ERLEC1: variants seen among roughly 807,000 people sequenced by gnomAD.
ERLEC1 encodes ER lectin.
In ERLEC1, 47 loss-of-function variants were observed where a neutral mutation model predicts 68.0. The ratio of observed to expected loss-of-function variants is 0.69; its 90% CI spans 0.55 to 0.88. The LOEUF (loss-of-function observed/expected upper bound fraction) is 0.88. ERLEC1 is among the 40% of genes least tolerant of loss of function. The probability of loss-of-function intolerance (pLI) is 0.00; values close to 1 mark genes in which losing one functional copy is unlikely to be tolerated. For synonymous variants in ERLEC1, 225 were observed against 203.2 expected, an observed-to-expected ratio of 1.11 and a Z score of -0.91; for missense variants, 567 against 583.8, an observed-to-expected ratio of 0.97 and a Z score of 0.30.
intron 4 of ERLEC1, 21 bp from the exon 5 acceptor site, chr2:53,797,711 T>C (rs759060580): frequency 2.8e-4 from 455 of 1,601,430 alleles, no homozygotes; most frequent in Non-Finnish European, 3.5e-4. Flanking sequence ...TAGTATATTT[T>C]TATTTTACTT....
intron 8 of ERLEC1, 44 bp downstream of exon 8, chr2:53,801,886 A>T (rs779396794): frequency 3.9e-6 from 6 of 1,527,118 alleles, no homozygotes; most frequent in South Asian, 1.2e-5. Flanking sequence ...CTTCATTTTT[A>T]AAATTTCAGA....
intron 1 of ERLEC1, among the ~76,000 whole-genome samples, chr2:53,789,393 C>CAAAA (rs1160757930): frequency 2.5e-5 from 2 of 79,742 alleles, no homozygotes; most frequent in South Asian, 4.4e-4. Context: ...GACTCTGTCT[C>CAAAA]AAAAAAAAAA....
rs751868369 is a variant in ERLEC1, at chr2:53,790,015, C to CAA, written c.162+2658_162+2659dup. Among the ~76,000 whole-genome samples, 652 of 85,928 alleles carry CAA rather than the reference C, an allele frequency of 7.6e-3. 3 individuals carry two copies. The highest frequency in any genetic ancestry group is 0.022 in the Middle Eastern group (3 of 138). 56.4% of individuals were successfully genotyped at this position (85,928 alleles called of 152,430 possible). Reference sequence around the variant, plus strand: ...TCCTGGGCGACAGAGGAGTCTGTCTCAAAAAAAAAAAAAAAAGAAAAGAAA... The same window carrying CAA: ...TCCTGGGCGACAGAGGAGTCTGTCTCAAAAAAAAAAAAAAAAAAGAAAAGAAA... On this transcript the variant is annotated intron_variant, in intron 1 of 13. Coordinates refer to ENST00000185150, the MANE Select transcript of ERLEC1 (RefSeq NM_015701.5).
Position 53,787,265 on chromosome 2 carries a change from C to G in ERLEC1, c.55C>G (p.Leu19Val), listed in dbSNP as rs374970739. ...RSLVPGGPVL[L>V]VLCGLLEASG... is the part of the protein sequence containing the mutation. Reference sequence around the variant, plus strand: ...TCTGGTCCCGGGCGGGCCGGTGTTACTGGTCCTCTGCGGCCTCCTGGAGGC... The same window carrying G: ...TCTGGTCCCGGGCGGGCCGGTGTTAGTGGTCCTCTGCGGCCTCCTGGAGGC... Residue 19 changes from leucine to valine, a missense_variant, in exon 1 of 14, where the codon CTG becomes GTG. Transcript: ENST00000185150. The G allele has an allele frequency of 1.2e-6, 2 of 1,608,330 alleles. No homozygotes were observed. Among genetic ancestry groups the G allele is most frequent in the Admixed American group, 3.3e-5 (2 of 60,014 alleles).
At chr2:53,808,218 A>T in intron 8 of ERLEC1, 81 bp from the exon 9 acceptor site, 1 of 1,472,782 alleles carries the variant, frequency 6.8e-7, no homozygotes. Context: ...TCTGCAGTTT[A>T]AAAATAATAA....
chr2:53,795,893 C>G lies in ERLEC1; in HGVS notation c.268-40C>G, dbSNP rs1199200855. 4 of 1,360,050 alleles carry G rather than the reference C, an allele frequency of 2.9e-6. No individual in the cohort carries two copies. In the Admixed American group the frequency reaches 8.3e-5, roughly 28 times the overall value. 84.2% of individuals were successfully genotyped at this position (1,360,050 alleles called of 1,614,324 possible). A position where few individuals can be genotyped will look rare whatever the true frequency, so the allele number is the denominator to read the frequency against. On this transcript the variant is annotated intron_variant, in intron 2 of 13. Transcript: ENST00000185150. ...CCAAACAGCAAAGTTGGGTGAAATT[C>G]TAGAAAAACTGTAAGTATTAAACTC...
chr2:53,798,071 T>A (rs1200781570), intron 5 of ERLEC1, among the ~76,000 whole-genome samples: 1 of 152,058 alleles, frequency 6.6e-6, no homozygotes, highest in African/African-American at 2.4e-5. Flanking sequence ...GGCAGACGCC[T>A]GTAGTCCCAG....
Position 53,818,047 on chromosome 2 carries a change from T to G in ERLEC1, c.*78T>G, listed in dbSNP as rs1676995110. On this transcript the variant is annotated 3_prime_UTR_variant, in exon 14 of 14. Coordinates refer to ENST00000185150, the MANE Select transcript of ERLEC1 (RefSeq NM_015701.5). ...TGTCCCACTGTGTCTCATTATAGAG[T>G]TCTCAGCCATTGGACCTCTTCTAAA... 3.2e-6 allele frequency: 3 copies of G among 925,332 alleles called. No homozygotes were observed. In the East Asian group the frequency reaches 7.2e-5, roughly 22 times the overall value. The allele number at this position is 925,332 out of a possible 1,614,324, so 57.3% of individuals were successfully genotyped here.
At chr2:53,801,982 C>A in intron 8 of ERLEC1, 140 bp downstream of exon 8, 1 of 660,736 alleles carries the variant, frequency 1.5e-6, no homozygotes, top group Non-Finnish European at 2.6e-6. Flanking sequence ...CATTTCTTTT[C>A]ATTGATTTTA....
At chr2:53,796,729 C>A (rs1675725890) in intron 3 of ERLEC1, among the ~76,000 whole-genome samples, 1 of 152,038 alleles carries the variant, frequency 6.6e-6, no homozygotes, top group South Asian at 2.1e-4. Context: ...GAATTACAGG[C>A]GTGAGCGACT....
chr2:53,800,861 G>A (rs751263144), intron 6 of ERLEC1, among the ~76,000 whole-genome samples: 6 of 151,948 alleles, frequency 3.9e-5, no homozygotes, highest in Non-Finnish European at 7.4e-5. Context: ...TATTAAAAAC[G>A]GGGAAGAAGA....
intron 1 of ERLEC1, 83 bp from the exon 2 acceptor site, chr2:53,794,262 C>CT (rs1317237532): frequency 2.8e-5 from 16 of 568,220 alleles, no homozygotes; most frequent in African/African-American, 2.7e-4. Flanking sequence ...TTTAAAGAAT[C>CT]TTTTTTCCAG....
intron 11 of ERLEC1, 69 bp downstream of exon 11, chr2:53,813,142 CAT>C (rs1480945115): frequency 6.5e-7 from 1 of 1,537,556 alleles, no homozygotes; most frequent in Non-Finnish European, 8.8e-7. Context: ...TATTGAAAAA[CAT>C]AAAAATTCAA....
At chr2:53,788,058 C>G (rs1475241764) in intron 1 of ERLEC1, among the ~76,000 whole-genome samples, 1 of 152,128 alleles carries the variant, frequency 6.6e-6, no homozygotes, top group Non-Finnish European at 1.5e-5. Context: ...AAAATTCCCT[C>G]TTGGGGGAGT....
At chr2:53,817,620 G>C (rs1676968971) in intron 13 of ERLEC1, among the ~76,000 whole-genome samples, 1 of 151,574 alleles carries the variant, frequency 6.6e-6, no homozygotes, top group Admixed American at 6.6e-5. Context: ...TATCATTTTT[G>C]TTGTATAAGA....
chr2:53,795,851 G>T, intron 2 of ERLEC1, 82 bp from the exon 3 acceptor site: 3 of 851,768 alleles, frequency 3.5e-6, no homozygotes, highest in South Asian at 1.6e-5. Context: ...TTTGTGATTT[G>T]AGTAATGAGT....
rs775570737 is a variant in ERLEC1 at position 53,814,618 on chromosome 2, A to G, written c.1302A>G (p.Leu434=). The G allele has an allele frequency of 8.1e-6, 13 of 1,607,012 alleles. No individual in the cohort carries two copies. The highest frequency in any genetic ancestry group is 7.7e-6 in the Non-Finnish European group (9 of 1,174,744). The change falls in exon 12 of 14, where the codon CTA becomes CTG. Residue 434 remains leucine, a splice_region_variant and synonymous_variant. Coordinates refer to ENST00000185150, the MANE Select transcript of ERLEC1 (RefSeq NM_015701.5). ...TDKPRQVTVK[L]KCKESDSPHA... is the part of the protein sequence containing the mutation. ...AACCAAGACAGGTGACTGTAAAACT[A>G]AAGTAAGTTAGACCATCAAATCATG...
intron 8 of ERLEC1, among the ~76,000 whole-genome samples, chr2:53,803,400 A>G (rs1676106285): frequency 2.0e-5 from 3 of 152,216 alleles, no homozygotes; most frequent in African/African-American, 7.2e-5. Flanking sequence ...AGTTAGCTCA[A>G]TCAAAATGCT....
chr2:53,787,347 A>C lies in ERLEC1; in HGVS notation c.137A>C (p.Asn46Thr). ...QLSDDIPFRV[N>T]WPGTEFSLPT... ...AGCGATGACATCCCTTTCCGAGTCA[A>C]CTGGCCCGGCACCGAGTTCTCTCTG... Residue 46 changes from asparagine to threonine, a missense_variant, in exon 1 of 14, where the codon AAC (asparagine) becomes ACC (threonine). Asn to Thr is a moderately conservative substitution (Grantham distance 65, BLOSUM62 0). Coordinates refer to ENST00000185150, the MANE Select transcript of ERLEC1 (RefSeq NM_015701.5). The C allele has an allele frequency of 1.2e-6, 2 of 1,611,934 alleles. No individual in the cohort carries two copies. The highest frequency in any genetic ancestry group is 1.1e-5 in the South Asian group (1 of 91,020).
Sources: allele counts gnomAD v4.1 joint callset (sites outside exome capture counted in the v4.1 genomes callset), GRCh38; gene constraint gnomAD v4.1.1; transcripts MANE v1.5; gene names NCBI Gene and HGNC (gene_info 2026-07-23, HGNC 2026-07-21).